Variants in TMEM232 observed in about 807,000 individuals in gnomAD.
The protein encoded by TMEM232 is transmembrane protein 232.
In TMEM232, 80 loss-of-function variants were observed where a neutral mutation model predicts 78.8. That is an observed-to-expected ratio of 1.01 (90% CI 0.85 to 1.22). The LOEUF is 1.22. Among genes scored for constraint, TMEM232 ranks in the 50% most tolerant of loss-of-function variants. The pLI is 0.00. For missense variants in TMEM232, 881 were observed against 742.2 expected, an observed-to-expected ratio of 1.19 and a Z score of -2.17; for synonymous variants, 297 against 254.3, an observed-to-expected ratio of 1.17 and a Z score of -1.60.
intron 7 of TMEM232, among the ~76,000 whole-genome samples, chr5:110,619,595 G>C (rs949727110): frequency 4.6e-5 from 7 of 152,106 alleles, no homozygotes; most frequent in African/African-American, 1.7e-4. Flanking sequence ...ACACACCACA[G>C]AAAAGCACTA....
chr5:110,667,341 A>G lies in TMEM232; in HGVS notation c.12T>C (p.Pro4=). MNM[P]VNKSPMINTC... Reference sequence around the variant, plus strand: ...TATTAATCATAGGTGATTTGTTAACAGGCATATTCATAAATCATAAATTCT... The same window carrying G: ...TATTAATCATAGGTGATTTGTTAACGGGCATATTCATAAATCATAAATTCT... The change falls in exon 2 of 14, where the codon CCT becomes CCC. Residue 4 remains proline (P), a synonymous_variant. Transcript: ENST00000455884. 1.3e-6 allele frequency: 2 copies of G among 1,513,414 alleles called. No homozygotes were observed. Among genetic ancestry groups the G allele is most frequent in the Non-Finnish European group, 1.8e-6 (2 of 1,126,022 alleles). 93.7% of individuals were successfully genotyped at this position (1,513,414 alleles called of 1,614,324 possible).
intron 10 of TMEM232, among the ~76,000 whole-genome samples, chr5:110,578,974 G>T (rs1311535735): frequency 6.6e-6 from 1 of 151,734 alleles, no homozygotes; most frequent in Non-Finnish European, 1.5e-5. Context: ...AATCTAGGAA[G>T]AAAAATGTAC....
At chr5:110,523,118 A>G (rs1769795385) in intron 12 of TMEM232, among the ~76,000 whole-genome samples, 1 of 152,164 alleles carries the variant, frequency 6.6e-6, no homozygotes, top group Non-Finnish European at 1.5e-5. Context: ...GTATTACTAT[A>G]TAATTTAGAC....
intron 10 of TMEM232, among the ~76,000 whole-genome samples, chr5:110,585,077 T>C (rs1016872551): frequency 3.9e-5 from 6 of 152,132 alleles, no homozygotes; most frequent in Admixed American, 2.6e-4. Context: ...ATTCTTCAAA[T>C]ATGTAAGGAC....
At chr5:110,533,758 C>A (rs898687952) in intron 11 of TMEM232, among the ~76,000 whole-genome samples, 2 of 152,070 alleles carry the variant, frequency 1.3e-5, no homozygotes, top group African/African-American at 4.8e-5. Context: ...CTGACGTTCA[C>A]CCCATTTCCC....
intron 1 of TMEM232, among the ~76,000 whole-genome samples, chr5:110,689,092 A>T (rs2150215756): frequency 6.6e-6 from 1 of 152,098 alleles, no homozygotes; most frequent in East Asian, 1.9e-4. Flanking sequence ...CCTCAAAATC[A>T]TCTTCAGAGA....
rs1012519685 is a variant in TMEM232, at chr5:110,528,805, T to G, written c.1486A>C (p.Thr496Pro). 2.6e-6 allele frequency: 4 copies of G among 1,515,860 alleles called. No homozygotes were observed. In the African/African-American group the frequency reaches 4.1e-5, roughly 16 times the overall value. 93.9% of individuals were successfully genotyped at this position (1,515,860 alleles called of 1,614,324 possible). A position where few individuals can be genotyped will look rare whatever the true frequency, so the allele number is the denominator to read the frequency against. Reference sequence around the variant, plus strand: ...GATGAAATATTTGTACTATATCTAGTGAAAGGATCAGTTGGGTCATTTAAC... The same window carrying G: ...GATGAAATATTTGTACTATATCTAGGGAAAGGATCAGTTGGGTCATTTAAC... ...AELNDPTDPF[T>P]RYSTNISSNV... Residue 496 changes from threonine (T) to proline (P), a missense_variant, in exon 12 of 14, where the codon ACT becomes CCT. Physicochemically the swap from Thr to Pro is conservative, Grantham distance 38 (BLOSUM62 -1). Coordinates refer to ENST00000455884, the MANE Select transcript of TMEM232 (RefSeq NM_001039763.4).
chr5:110,560,231 C>G (rs537238369), intron 11 of TMEM232, among the ~76,000 whole-genome samples: 21 of 151,970 alleles, frequency 1.4e-4, no homozygotes, highest in Non-Finnish European at 2.9e-4. Flanking sequence ...CCATATGATC[C>G]AGTCATTCTC....
chr5:110,422,519 CAAAAAAAAAA>C (rs34448955), intron 13 of TMEM232, among the ~76,000 whole-genome samples: 3,359 of 34,522 alleles, frequency 0.097, 46 homozygotes, highest in Middle Eastern at 0.26. Flanking sequence ...GACTCTGTCT[CAAAAAAAAAA>C]AAAAAAAAAA....
At chr5:110,557,717 A>G (rs2149642766) in intron 11 of TMEM232, among the ~76,000 whole-genome samples, 1 of 152,270 alleles carries the variant, frequency 6.6e-6, no homozygotes, top group Admixed American at 6.5e-5. Flanking sequence ...ACTCTGTCAC[A>G]AGAACAATAC....
chr5:110,604,696 C>T (rs1781333317), intron 10 of TMEM232, among the ~76,000 whole-genome samples: 1 of 152,096 alleles, frequency 6.6e-6, no homozygotes, highest in Admixed American at 6.6e-5. Context: ...CAGTGGTTCA[C>T]GAATGCAATC....
chr5:110,704,424 G>A (rs1795723962), intron 1 of TMEM232, among the ~76,000 whole-genome samples: 2 of 152,200 alleles, frequency 1.3e-5, no homozygotes, highest in African/African-American at 2.4e-5. Flanking sequence ...TTCAAGGATG[G>A]AAAGTAGATG....
At chr5:110,601,761 C>T (rs1780938117) in intron 10 of TMEM232, among the ~76,000 whole-genome samples, 1 of 152,118 alleles carries the variant, frequency 6.6e-6, no homozygotes, top group African/African-American at 2.4e-5. Context: ...CATCAAGCTA[C>T]CACTGACTTT....
intron 12 of TMEM232, among the ~76,000 whole-genome samples, chr5:110,459,025 G>A (rs1183600145): frequency 1.3e-5 from 2 of 152,022 alleles, no homozygotes; most frequent in East Asian, 1.9e-4. Context: ...TAATTTGGGG[G>A]GATAACCTTC....
chr5:110,405,191 G>A (rs1234218390), intron 2 of TMEM232, among the ~76,000 whole-genome samples: 22 of 152,024 alleles, frequency 1.4e-4, no homozygotes, highest in Admixed American at 1.4e-3. Flanking sequence ...AAAAAATGAA[G>A]CAGGCTGATC....
chr5:110,408,852 G>T (rs1207222256), intron 2 of TMEM232, among the ~76,000 whole-genome samples: 6 of 151,934 alleles, frequency 3.9e-5, no homozygotes, highest in African/African-American at 1.4e-4. Context: ...AAAAGAACAT[G>T]CCCACCTAGC....
intron 2 of TMEM232, among the ~76,000 whole-genome samples, chr5:110,405,974 G>A (rs1755776243): frequency 1.3e-5 from 2 of 151,656 alleles, no homozygotes; most frequent in Admixed American, 1.3e-4. Flanking sequence ...GCATGTTATA[G>A]TCAACTGCTG....
chr5:110,717,536 T>C (rs1797141772), intron 1 of TMEM232, among the ~76,000 whole-genome samples: 1 of 152,152 alleles, frequency 6.6e-6, no homozygotes, highest in South Asian at 2.1e-4. Context: ...TCTTGCCCAA[T>C]GTCCTTAAGC....
At chr5:110,429,389 AG>A (rs967606280) in intron 12 of TMEM232, among the ~76,000 whole-genome samples, 1 of 151,778 alleles carries the variant, frequency 6.6e-6, no homozygotes, top group African/African-American at 2.4e-5. Context: ...TTACAAGAAA[AG>A]GGGGGATAAT....
Sources: gnomAD v4.1 joint callset for allele counts (sites outside exome capture counted in the v4.1 genomes callset) on GRCh38, gnomAD v4.1.1 for gene constraint, MANE v1.5 for transcripts, NCBI Gene and HGNC (gene_info 2026-07-23, HGNC 2026-07-21) for gene names.